Variants in NUP210L observed in about 807,000 individuals in gnomAD.
NUP210L encodes nucleoporin 210 like, also known as nuclear pore membrane glycoprotein 210-like.
NUP210L carries 74 observed loss-of-function variants against 208.5 expected under a neutral mutation model. The ratio of observed to expected loss-of-function variants is 0.35; its 90% CI spans 0.29 to 0.43. The LOEUF (loss-of-function observed/expected upper bound fraction) is 0.43. Ranked by LOEUF, NUP210L falls within the 20% of genes least tolerant of loss-of-function variation. The pLI, the probability that NUP210L is intolerant of heterozygous loss-of-function variation, is 1.00. For synonymous variants in NUP210L, 780 were observed against 816.9 expected, an observed-to-expected ratio of 0.95 and a Z score of 0.77; for missense variants, 1,843 against 2,289.4, an observed-to-expected ratio of 0.81 and a Z score of 3.98.
intron 5 of NUP210L, among the ~76,000 whole-genome samples, chr1:154,138,657 G>T (rs1032254060): frequency 6.6e-6 from 1 of 152,116 alleles, no homozygotes; most frequent in African/African-American, 2.4e-5. Flanking sequence ...TGCAAGGTTG[G>T]TAGGCTTCTC....
At chr1:154,152,654 A>G (rs1260294323) in intron 2 of NUP210L, 82 bp downstream of exon 2, 3 of 1,260,552 alleles carry the variant, frequency 2.4e-6, no homozygotes, top group Admixed American at 2.0e-5. Flanking sequence ...AGCCAACACC[A>G]TTTGTGTTAA....
rs998007779 is a variant in NUP210L at position 154,143,377 on chromosome 1, C to T, written c.472+69G>A. 12 of 1,434,734 alleles carry T rather than the reference C, an allele frequency of 8.4e-6. No individual in the cohort carries two copies. The African/African-American group carries it at 1.0e-4, about 12-fold the overall frequency. 88.9% of individuals were successfully genotyped at this position (1,434,734 alleles called of 1,614,324 possible). ...CTTTTGCCACTCAAGTTTTTGTTTC[C>T]AAGTGCTAAACATAAACAGATATTA... On this transcript the variant is annotated intron_variant, in intron 3 of 39. Transcript: ENST00000368559.
intron 12 of NUP210L, among the ~76,000 whole-genome samples, chr1:154,109,132 T>C (rs1251535383): frequency 1.3e-5 from 2 of 151,142 alleles, no homozygotes; most frequent in Non-Finnish European, 2.9e-5. Flanking sequence ...AACCCAACAA[T>C]CTGTTGCCTA....
At chr1:154,033,559 G>C (rs1295781588) in intron 27 of NUP210L, among the ~76,000 whole-genome samples, 1 of 152,084 alleles carries the variant, frequency 6.6e-6, no homozygotes, top group Non-Finnish European at 1.5e-5. Context: ...TTTCCTGCAG[G>C]TGTATGAATT....
At chr1:153,993,151 A>G (rs920163682) in intron 38 of NUP210L, 62 bp from the exon 39 acceptor site, 1 of 1,089,228 alleles carries the variant, frequency 9.2e-7, no homozygotes, top group Admixed American at 2.2e-5. Flanking sequence ...AGGCAAAGTC[A>G]ACTCTAGAAT....
chr1:154,035,943 C>T (rs2147952279), intron 27 of NUP210L, among the ~76,000 whole-genome samples: 1 of 150,672 alleles, frequency 6.6e-6, no homozygotes, highest in South Asian at 2.1e-4. Context: ...CCATCTTGGC[C>T]AGGCTGGTCT....
chr1:154,102,826 T>C (rs1656536703), intron 13 of NUP210L, among the ~76,000 whole-genome samples: 1 of 151,266 alleles, frequency 6.6e-6, no homozygotes, highest in South Asian at 2.1e-4. Flanking sequence ...ATGCATATAT[T>C]AAATGGCTCT....
chr1:154,129,384 G>T, intron 7 of NUP210L, 39 bp from the exon 8 acceptor site: 1 of 1,279,016 alleles, frequency 7.8e-7, no homozygotes, highest in Non-Finnish European at 1.1e-6. Flanking sequence ...AGCCAGAGTT[G>T]GGTGAAAAGG....
chr1:154,022,860 A>T (rs768147747), intron 31 of NUP210L, among the ~76,000 whole-genome samples: 1 of 151,296 alleles, frequency 6.6e-6, no homozygotes, highest in African/African-American at 2.4e-5. Flanking sequence ...GTATTTTTGT[A>T]GAGATGGGGT....
chr1:154,066,404 G>A (rs1571231306), intron 17 of NUP210L, among the ~76,000 whole-genome samples: 1 of 152,212 alleles, frequency 6.6e-6, no homozygotes, highest in East Asian at 1.9e-4. Flanking sequence ...CAAGTCAGGA[G>A]ATTGAGAACA....
intron 27 of NUP210L, among the ~76,000 whole-genome samples, chr1:154,044,038 TAAAG>T (rs1295843372): frequency 6.6e-6 from 1 of 152,094 alleles, no homozygotes; most frequent in Non-Finnish European, 1.5e-5. Flanking sequence ...TAAAAAAAAT[TAAAG>T]AAAGGGAGAA....
At chr1:154,071,626 C>CA (rs1654734525) in intron 16 of NUP210L, among the ~76,000 whole-genome samples, 1 of 139,352 alleles carries the variant, frequency 7.2e-6, no homozygotes, top group Non-Finnish European at 1.5e-5. Flanking sequence ...TCAATTCATT[C>CA]CTTTTTTTTT....
chr1:154,063,859 A>G (rs1654261777), intron 17 of NUP210L, among the ~76,000 whole-genome samples: 1 of 151,802 alleles, frequency 6.6e-6, no homozygotes, highest in African/African-American at 2.4e-5. Context: ...AGTGTAGAAG[A>G]AAGTGGTACA....
chr1:154,067,183 G>C (rs942856555), intron 17 of NUP210L, among the ~76,000 whole-genome samples: 3 of 151,988 alleles, frequency 2.0e-5, no homozygotes, highest in Non-Finnish European at 4.4e-5. Context: ...ACATTGATGA[G>C]AAAATCCTCA....
At chr1:154,055,801 T>C (rs542350558) in intron 23 of NUP210L, among the ~76,000 whole-genome samples, 1 of 152,328 alleles carries the variant, frequency 6.6e-6, no homozygotes, top group East Asian at 1.9e-4. Context: ...AGTATTTAAG[T>C]AGGAATACTA....
chr1:154,029,790 T>C, intron 28 of NUP210L, 106 bp downstream of exon 28: 1 of 853,392 alleles, frequency 1.2e-6, no homozygotes, highest in Non-Finnish European at 1.8e-6. Flanking sequence ...GGAATCGCTC[T>C]AACAATTATC....
At position 154,129,363 on chromosome 1, in the gene NUP210L, G is replaced by A. The variant is rs1236674004; in HGVS notation, c.1010-18C>T. Reference sequence around the variant, plus strand: ...ATGAACATCTTAATTTTTGCTTAAGGAAATCATGTGAGCCAGAGTTGGGTG... The same window carrying A: ...ATGAACATCTTAATTTTTGCTTAAGAAAATCATGTGAGCCAGAGTTGGGTG... On this transcript the variant is annotated intron_variant, in intron 7 of 39. Transcript: ENST00000368559. 6.5e-7 allele frequency: 1 copy of A among 1,547,328 alleles called. No individual in the cohort carries two copies. Among genetic ancestry groups the A allele is most frequent in the Non-Finnish European group, 8.9e-7 (1 of 1,124,412 alleles).
chr1:154,146,431 A>T (rs1659113195), intron 2 of NUP210L, among the ~76,000 whole-genome samples: 1 of 152,148 alleles, frequency 6.6e-6, no homozygotes, highest in Non-Finnish European at 1.5e-5. Context: ...GGAGTTCAAG[A>T]TCAGCCTGGG....
chr1:154,123,483 C>T lies in NUP210L; in HGVS notation c.1326+2840G>A, dbSNP rs192822462. Among the ~76,000 whole-genome samples the T allele has an allele frequency of 1.2e-4, 19 of 152,280 alleles. No individual in the cohort carries two copies. In the East Asian group the frequency reaches 3.3e-3, roughly 26 times the overall value. On this transcript the variant is annotated intron_variant, in intron 10 of 39. Transcript: ENST00000368559. ...CTTAATGACTAATCATGCTGAACAT[C>T]TTTTAATGTGCTATTAGCCATATGT...
Sources: gnomAD v4.1 joint callset for allele counts (sites outside exome capture counted in the v4.1 genomes callset) on GRCh38, gnomAD v4.1.1 for gene constraint, MANE v1.5 for transcripts, NCBI Gene and HGNC (gene_info 2026-07-23, HGNC 2026-07-21) for gene names.